SPRY3: variants seen among roughly 807,000 people sequenced by gnomAD.
The protein encoded by SPRY3 is sprouty RTK signaling antagonist 3.
A neutral mutation model predicts 20.2 loss-of-function variants in SPRY3; 15 were observed. That is an observed-to-expected ratio of 0.74 (90% CI 0.50 to 1.14). SPRY3 has a LOEUF of 1.14. Ranked by LOEUF, SPRY3 falls within the 50% of genes most tolerant of loss-of-function variation. The probability of loss-of-function intolerance (pLI) is 0.00; values close to 1 mark genes in which losing one functional copy is unlikely to be tolerated. For missense variants in SPRY3, 364 were observed against 363.9 expected (o/e 1.00, Z 0.00); for synonymous variants, 143 against 136.5 (o/e 1.05, Z -0.33).
chrX:155,773,565 C>T (rs1379310919), intron 3 of SPRY3, among the ~76,000 whole-genome samples: 2 of 151,958 alleles, frequency 1.3e-5, no homozygotes, highest in African/African-American at 4.8e-5. Context: ...TGTTCCCAAA[C>T]TTCTTTATAG....
chrX:155,663,347 T>A (rs2068015888), intron 2 of SPRY3, among the ~76,000 whole-genome samples: 1 of 111,645 alleles, frequency 9.0e-6, no homozygotes, highest in Non-Finnish European at 1.9e-5. Flanking sequence ...ATAATGGGGA[T>A]GGAATGACAG....
At chrX:155,740,803 C>T (rs750938345) in intron 2 of SPRY3, among the ~76,000 whole-genome samples, 1 of 152,080 alleles carries the variant, frequency 6.6e-6, no homozygotes, top group African/African-American at 2.4e-5. Flanking sequence ...ATCATGTGAT[C>T]TTTGTGACCT....
intron 2 of SPRY3, among the ~76,000 whole-genome samples, chrX:155,663,098 A>G (rs1325560154): frequency 1.8e-4 from 20 of 112,567 alleles, no homozygotes; most frequent in African/African-American, 6.4e-4. Context: ...AAAGATTGTG[A>G]TGTAGGAAAA....
chrX:155,760,479 A>T (rs2124591288), intron 2 of SPRY3, among the ~76,000 whole-genome samples: 1 of 152,264 alleles, frequency 6.6e-6, no homozygotes, highest in African/African-American at 2.4e-5. Flanking sequence ...AGGTGCTTAG[A>T]TCCTTTTTCA....
chrX:155,672,667 A>G (rs5940556), intron 2 of SPRY3, among the ~76,000 whole-genome samples: 194 of 104,963 alleles, frequency 1.8e-3, no homozygotes, highest in African/African-American at 3.6e-3. Flanking sequence ...TGATTCCTCA[A>G]GGATCTAGAA....
At chrX:155,736,488 T>C (rs1050407427) in intron 2 of SPRY3, among the ~76,000 whole-genome samples, 5 of 151,974 alleles carry the variant, frequency 3.3e-5, no homozygotes, top group African/African-American at 1.2e-4. Context: ...TTTTTTTCTT[T>C]CAACACTTTA....
Position 155,749,616 on chromosome X carries a change from G to A in SPRY3, c.-281-18346G>A, listed in dbSNP as rs185389992. The stretch of plus-strand genomic sequence containing the variant: ...CAAGGACACCAGTTTGGCTTCAGTG[G>A]GCTGTGTGAGAAAGAGTGATAGAAA... On this transcript the variant is annotated intron_variant, in intron 2 of 3. Coordinates refer to ENST00000675360, the Ensembl canonical transcript of SPRY3. 8.0e-4 allele frequency among the ~76,000 whole-genome samples: 121 copies of A among 151,872 alleles called. 1 individual carries two copies. Among genetic ancestry groups the A allele is most frequent in the African/African-American group, 2.8e-3 (117 of 41,498 alleles).
At chrX:155,634,963 G>A (rs1266342868) in intron 1 of SPRY3, among the ~76,000 whole-genome samples, 1 of 109,092 alleles carries the variant, frequency 9.2e-6, no homozygotes, top group African/African-American at 3.3e-5. Flanking sequence ...AGGTATACAT[G>A]TGCCATGGTG....
intron 2 of SPRY3, among the ~76,000 whole-genome samples, chrX:155,698,664 A>G (rs1054650511): frequency 5.4e-5 from 6 of 112,064 alleles, no homozygotes; most frequent in Admixed American, 9.5e-5. Context: ...AAGGGAATTC[A>G]AGGTATTGTT....
intron 1 of SPRY3, among the ~76,000 whole-genome samples, chrX:155,635,123 G>A (rs1479913764): frequency 9.1e-6 from 1 of 109,898 alleles, no homozygotes; most frequent in East Asian, 2.9e-4. Context: ...ACTTATGAGT[G>A]AGAACATGTT....
intron 2 of SPRY3, among the ~76,000 whole-genome samples, chrX:155,758,697 TTG>T (rs1398208589): frequency 6.6e-6 from 1 of 152,116 alleles, no homozygotes; most frequent in Non-Finnish European, 1.5e-5. Flanking sequence ...CTTTCAGAAT[TTG>T]TGTGGAAGCA....
At chrX:155,731,532 AAT>A (rs2091132236) in intron 2 of SPRY3, among the ~76,000 whole-genome samples, 1 of 152,122 alleles carries the variant, frequency 6.6e-6, no homozygotes, top group African/African-American at 2.4e-5. Flanking sequence ...ACTTAAATCT[AAT>A]ATCTCAAACT....
exon 4 of SPRY3, chrX:155,774,151 G>T (rs768526157): frequency 6.2e-7 from 1 of 1,613,976 alleles, no homozygotes; most frequent in East Asian, 2.2e-5. Flanking sequence ...TAGCACCACT[G>T]CCTCTGATCA....
intron 2 of SPRY3, among the ~76,000 whole-genome samples, chrX:155,727,457 G>C (rs891008361): frequency 1.3e-5 from 2 of 151,794 alleles, no homozygotes; most frequent in African/African-American, 4.8e-5. Context: ...ATGTAGATTT[G>C]GTCTTTTCAC....
At chrX:155,655,066 G>A (rs2067987955) in intron 1 of SPRY3, among the ~76,000 whole-genome samples, 1 of 111,222 alleles carries the variant, frequency 9.0e-6, no homozygotes, top group South Asian at 3.8e-4. Flanking sequence ...ATTCTGACTG[G>A]TATACAATGA....
exon 4 of SPRY3, chrX:155,774,015 C>T (rs1323500198): frequency 6.2e-7 from 1 of 1,613,832 alleles, no homozygotes; most frequent in Non-Finnish European, 8.5e-7. Context: ...TTGTGCAAAC[C>T]CACAAGTCTG....
At chrX:155,752,672 C>A (rs1473167822) in intron 2 of SPRY3, among the ~76,000 whole-genome samples, 2 of 151,698 alleles carry the variant, frequency 1.3e-5, no homozygotes, top group Admixed American at 6.6e-5. Context: ...AGTATTGAAT[C>A]TCACTCAAAT....
intron 2 of SPRY3, among the ~76,000 whole-genome samples, chrX:155,765,624 T>C (rs2124596367): frequency 6.6e-6 from 1 of 152,254 alleles, no homozygotes; most frequent in Admixed American, 6.5e-5. Context: ...ATTTAACTTT[T>C]TTTGTCATGG....
rs1180278920 is a variant in SPRY3, at chrX:155,774,546, G to A, written c.675G>A (p.Met225Ile). Residue 225 changes from methionine (M) to isoleucine (I), a missense_variant, in exon 4 of 4, where the codon ATG becomes ATA. Transcript: ENST00000675360. The stretch of plus-strand genomic sequence containing the variant: ...CTTGCTTTGTCCGCTGGGCAGCCAT[G>A]AGCCTCATCTCCCTCTTCCTACCCT... The A allele has an allele frequency of 5.6e-6, 9 of 1,613,866 alleles. No individual in the cohort carries two copies. The South Asian group carries it at 6.6e-5, about 12-fold the overall frequency.
Sources: allele counts gnomAD v4.1 joint callset (sites outside exome capture counted in the v4.1 genomes callset), GRCh38; gene constraint gnomAD v4.1.1; transcripts MANE v1.5; gene names NCBI Gene and HGNC (gene_info 2026-07-23, HGNC 2026-07-21).